UGT1A10: variants seen among roughly 807,000 people sequenced by gnomAD.
UGT1A10 encodes the protein UDP glucuronosyltransferase family 1 member A10, also known as UDP-glucuronosyltransferase 1A10.
Under a neutral mutation model 45.8 loss-of-function variants are expected in UGT1A10, and 49 were observed. The observed-to-expected ratio is 1.07, with a 90% CI of 0.85 to 1.36. UGT1A10 has a LOEUF of 1.36. UGT1A10 is among the 40% of genes most tolerant of loss of function. UGT1A10 has a pLI of 0.00. For missense variants in UGT1A10, 745 were observed against 668.6 expected, an observed-to-expected ratio of 1.11 and a Z score of -1.26; for synonymous variants, 284 against 249.7, an observed-to-expected ratio of 1.14 and a Z score of -1.29.
chr2:233,674,402 A>T (rs2074283118), intron 1 of UGT1A10, among the ~76,000 whole-genome samples: 1 of 152,164 alleles, frequency 6.6e-6, no homozygotes, highest in African/African-American at 2.4e-5. Context: ...AAATTATAGT[A>T]TCCTCCATTA....
At chr2:233,661,623 T>TTTTCTTTCTTTCTTTTCTTCC in intron 1 of UGT1A10, among the ~76,000 whole-genome samples, 1 of 123,952 alleles carries the variant, frequency 8.1e-6, no homozygotes, top group South Asian at 2.7e-4. Context: ...ACTTACTGAA[T>TTTTCTTTCTTTCTTTTCTTCC]TTTCTTTCTT....
At chr2:233,672,824 T>C in intron 1 of UGT1A10, 1 of 1,575,234 alleles carries the variant, frequency 6.3e-7, no homozygotes, top group Non-Finnish European at 8.6e-7. Flanking sequence ...TTAAGAATAC[T>C]TCACCTTTGG....
intron 1 of UGT1A10, among the ~76,000 whole-genome samples, chr2:233,673,304 G>A (rs188982794): frequency 2.6e-4 from 40 of 152,152 alleles, no homozygotes; most frequent in Middle Eastern, 3.4e-3. Flanking sequence ...GACCAATACA[G>A]ACAGATTTGA....
At chr2:233,726,664 T>G (rs2077549930) in intron 1 of UGT1A10, among the ~76,000 whole-genome samples, 1 of 152,168 alleles carries the variant, frequency 6.6e-6, no homozygotes, top group South Asian at 2.1e-4. Flanking sequence ...TTTAATCATA[T>G]CTGTGAAGTC....
At chr2:233,685,445 C>A (rs1384773104) in intron 1 of UGT1A10, among the ~76,000 whole-genome samples, 2 of 152,212 alleles carry the variant, frequency 1.3e-5, no homozygotes, top group African/African-American at 4.8e-5. Flanking sequence ...CGAGCTGAAT[C>A]TACACCATCT....
chr2:233,765,865 C>T (rs953477423), intron 1 of UGT1A10, among the ~76,000 whole-genome samples: 7 of 151,942 alleles, frequency 4.6e-5, no homozygotes, highest in South Asian at 2.1e-4. Context: ...CATGTGACAG[C>T]GGGAGGGGCT....
chr2:233,769,597 C>T lies in UGT1A10; in HGVS notation c.1295+1158C>T, dbSNP rs772266725. 4 of 1,612,818 alleles carry T rather than the reference C, an allele frequency of 2.5e-6. No individual in the cohort carries two copies. Among genetic ancestry groups the T allele is most frequent in the Non-Finnish European group, 3.4e-6 (4 of 1,179,876 alleles). On this transcript the variant is annotated intron_variant, in intron 4 of 4. Transcript: ENST00000344644. The surrounding 1 kb of genome is among the most constrained non-coding windows in gnomAD (Gnocchi z 4.4). ...CATGTTCAGATGAGAGGAGACGGAACACGGGGACACACCAGCTTGAGCAAG... is the reference window on the plus strand; with the variant it reads ...CATGTTCAGATGAGAGGAGACGGAATACGGGGACACACCAGCTTGAGCAAG...
intron 1 of UGT1A10, 145 bp from the exon 2 acceptor site, chr2:233,766,889 C>A: frequency 6.8e-7 from 1 of 1,464,614 alleles, no homozygotes; most frequent in Non-Finnish European, 9.0e-7. Context: ...GTAAAACTTA[C>A]ATATTAATAA....
chr2:233,760,467 A>G (rs1444464587), intron 1 of UGT1A10: 1 of 1,614,232 alleles, frequency 6.2e-7, no homozygotes, highest in South Asian at 1.1e-5. Context: ...TAGTTGTCCT[A>G]GCACCTGACG....
chr2:233,710,625 T>C (rs924803053), intron 1 of UGT1A10, among the ~76,000 whole-genome samples: 8 of 152,198 alleles, frequency 5.3e-5, no homozygotes, highest in African/African-American at 1.9e-4. Flanking sequence ...TATATTTGAG[T>C]AGTGAGTTCT....
At chr2:233,759,870 C>G (rs1487937360) in intron 1 of UGT1A10, among the ~76,000 whole-genome samples, 1 of 152,172 alleles carries the variant, frequency 6.6e-6, no homozygotes, top group African/African-American at 2.4e-5. Context: ...AGCGGGGGTA[C>G]AGTTGTGTTC....
chr2:233,647,166 C>A (rs898176260), intron 1 of UGT1A10, among the ~76,000 whole-genome samples: 1 of 152,190 alleles, frequency 6.6e-6, no homozygotes, highest in South Asian at 2.1e-4. Context: ...GGGAAACGCC[C>A]AGCCCCATGA....
At chr2:233,724,286 G>C (rs1416950047) in intron 1 of UGT1A10, among the ~76,000 whole-genome samples, 3 of 143,448 alleles carry the variant, frequency 2.1e-5, no homozygotes, top group African/African-American at 2.6e-5. Flanking sequence ...CCGGGCGGGG[G>C]GCTGACCCCC....
At chr2:233,735,001 G>A (rs76924132) in intron 1 of UGT1A10, among the ~76,000 whole-genome samples, 2 of 152,186 alleles carry the variant, frequency 1.3e-5, no homozygotes, top group African/African-American at 4.8e-5. Flanking sequence ...TTGACTTAGG[G>A]TGGAGAGTTC....
chr2:233,753,212 A>G (rs1264665367), intron 1 of UGT1A10: 1 of 152,196 alleles, frequency 6.6e-6, no homozygotes, highest in Non-Finnish European at 1.5e-5. Context: ...AGTCTGTCTT[A>G]TTTTGATACT....
Position 233,772,859 on chromosome 2 carries a change from T to C in UGT1A10, c.*300T>C. 1.4e-6 allele frequency: 1 copy of C among 698,172 alleles called. No homozygotes were observed. Among genetic ancestry groups the C allele is most frequent in the Non-Finnish European group, 2.1e-6 (1 of 477,226 alleles). The allele number at this position is 698,172 out of a possible 1,614,324, so 43.2% of individuals were successfully genotyped here. On this transcript the variant is annotated 3_prime_UTR_variant, in exon 5 of 5. Transcript: ENST00000344644. ...AGATTACTTTTCTTACTCTGAAACA[T>C]GGCCTGTTTGGGAGTGCGGGATTCA...
chr2:233,706,890 G>A (rs563371230), intron 1 of UGT1A10, among the ~76,000 whole-genome samples: 1 of 152,282 alleles, frequency 6.6e-6, no homozygotes, highest in East Asian at 1.9e-4. Flanking sequence ...GCTCTGGTTG[G>A]AGGCATTTTA....
At position 233,769,547 on chromosome 2, in the gene UGT1A10, G is replaced by A; in HGVS notation, c.1295+1108G>A. 1 of 1,612,856 alleles carries A rather than the reference G, an allele frequency of 6.2e-7. No individual in the cohort carries two copies. Among genetic ancestry groups the A allele is most frequent in the Non-Finnish European group, 8.5e-7 (1 of 1,179,826 alleles). On this transcript the variant is annotated intron_variant, in intron 4 of 4. Coordinates refer to ENST00000344644, the MANE Select transcript of UGT1A10 (RefSeq NM_019075.4). This position sits in a 1 kb window ranked among gnomAD's most constrained non-coding sequence, Gnocchi z 4.4. ...CTCCTTTAGAAAGAAGCAGCAGTCA[G>A]GAAGACAGATGTGAAGAGCTGGAGC...
intron 1 of UGT1A10, among the ~76,000 whole-genome samples, chr2:233,714,201 T>C (rs2076373171): frequency 6.6e-6 from 1 of 152,184 alleles, no homozygotes. Flanking sequence ...CACTGAGAAC[T>C]GATCCATCCA....
Sources: allele counts gnomAD v4.1 joint callset (sites outside exome capture counted in the v4.1 genomes callset), GRCh38; gene constraint gnomAD v4.1.1; non-coding constraint Gnocchi (gnomAD v3.1); transcripts MANE v1.5; gene names NCBI Gene and HGNC (gene_info 2026-07-23, HGNC 2026-07-21).